RBFOX1: variants seen among roughly 807,000 people sequenced by gnomAD.
The protein encoded by RBFOX1 is RNA binding fox-1 homolog 1, also known as RNA binding protein fox-1 homolog 1.
A neutral mutation model predicts 57.7 loss-of-function variants in RBFOX1; 8 were observed. That is an observed-to-expected ratio of 0.14 (90% CI 0.08 to 0.25). RBFOX1 has a LOEUF of 0.25. RBFOX1 is among the 10% of genes least tolerant of loss of function. The probability of loss-of-function intolerance (pLI) is 1.00; values close to 1 mark genes in which losing one functional copy is unlikely to be tolerated. For missense variants in RBFOX1, 611 were observed against 548.5 expected (o/e 1.11, Z -1.14); for synonymous variants, 326 against 222.4 (o/e 1.47, Z -4.15).
chr16:5,998,703 A>G (rs934508636), intron 4 of RBFOX1, among the ~76,000 whole-genome samples: 1 of 152,206 alleles, frequency 6.6e-6, no homozygotes, highest in Admixed American at 6.5e-5. Flanking sequence ...TGCTTACAGA[A>G]TATGAGAACT....
At chr16:7,645,355 AAT>A (rs1353510576) in intron 11 of RBFOX1, among the ~76,000 whole-genome samples, 1 of 152,226 alleles carries the variant, frequency 6.6e-6, no homozygotes, top group African/African-American at 2.4e-5. Flanking sequence ...CAAGGTAATT[AAT>A]CACTAATCAC....
intron 3 of RBFOX1, among the ~76,000 whole-genome samples, chr16:6,682,827 G>C (rs932851134): frequency 2.2e-5 from 3 of 139,124 alleles, no homozygotes; most frequent in African/African-American, 8.2e-5. Flanking sequence ...ATTGAAAACA[G>C]GATAAAGGCA....
At chr16:6,940,298 C>T (rs935382088) in intron 3 of RBFOX1, among the ~76,000 whole-genome samples, 2 of 152,200 alleles carry the variant, frequency 1.3e-5, no homozygotes, top group African/African-American at 4.8e-5. Context: ...GAAGGGGCTG[C>T]TGTGAGTTGC....
chr16:7,516,758 A>G (rs1172179250), intron 4 of RBFOX1, among the ~76,000 whole-genome samples: 1 of 152,184 alleles, frequency 6.6e-6, no homozygotes, highest in Non-Finnish European at 1.5e-5. Flanking sequence ...TTCTCTTCCA[A>G]GTGTCATCTT....
rs188440735 is a variant in RBFOX1, at chr16:5,690,112, C to T, written c.318+91151C>T. ...GGCCTGAGAGGCCAGCGAGGTCATC[C>T]TGGTTAAGACGCCCCGGTTGGTTTT... is the stretch of plus-strand genomic sequence containing the variant. On this transcript the variant is annotated intron_variant, in intron 3 of 19. Transcript: ENST00000641259. 5.3e-5 allele frequency among the ~76,000 whole-genome samples: 8 copies of T among 152,324 alleles called. No individual in the cohort carries two copies. The East Asian group carries it at 1.5e-3, about 29-fold the overall frequency.
intron 1 of RBFOX1, among the ~76,000 whole-genome samples, chr16:5,455,974 A>G (rs1597139491): frequency 6.6e-6 from 1 of 152,130 alleles, no homozygotes; most frequent in East Asian, 1.9e-4. Flanking sequence ...ATTAAATCTC[A>G]TGATTTTTGT....
chr16:5,970,283 T>C (rs1163700799), intron 4 of RBFOX1, among the ~76,000 whole-genome samples: 1 of 152,180 alleles, frequency 6.6e-6, no homozygotes, highest in African/African-American at 2.4e-5. Context: ...TACTCTTTTT[T>C]TTTATGTAGG....
chr16:5,473,882 AG>A (rs1257967294), intron 2 of RBFOX1, among the ~76,000 whole-genome samples: 1 of 100,826 alleles, frequency 9.9e-6, no homozygotes, highest in Non-Finnish European at 1.8e-5. Flanking sequence ...GACAGATGTA[AG>A]GGGGGTGGGT....
chr16:5,850,167 A>G (rs921773512), intron 3 of RBFOX1, among the ~76,000 whole-genome samples: 1 of 152,136 alleles, frequency 6.6e-6, no homozygotes, highest in Non-Finnish European at 1.5e-5. Context: ...TAACTGGTTA[A>G]TTGATGTTAT....
chr16:5,729,567 G>A (rs573011652), intron 3 of RBFOX1, among the ~76,000 whole-genome samples: 2 of 151,972 alleles, frequency 1.3e-5, no homozygotes, highest in Admixed American at 1.3e-4. Flanking sequence ...AAGAAGCTAT[G>A]TTAATTATAT....
intron 4 of RBFOX1, among the ~76,000 whole-genome samples, chr16:5,968,052 C>T (rs555839073): frequency 8.5e-5 from 13 of 152,206 alleles, no homozygotes; most frequent in Admixed American, 2.6e-4. Flanking sequence ...ACCATTTTGA[C>T]GGTCTAAAGC....
At chr16:6,211,638 C>T (rs945970829) in intron 1 of RBFOX1, among the ~76,000 whole-genome samples, 3 of 152,094 alleles carry the variant, frequency 2.0e-5, no homozygotes, top group African/African-American at 7.2e-5. Flanking sequence ...GTTTGTAAAG[C>T]AAGCTGAGAG....
intron 4 of RBFOX1, among the ~76,000 whole-genome samples, chr16:5,876,868 C>A (rs145311085): frequency 2.0e-5 from 3 of 152,252 alleles, no homozygotes; most frequent in African/African-American, 7.2e-5. Context: ...CATGTTTTAT[C>A]AATGGCAAAA....
intron 4 of RBFOX1, among the ~76,000 whole-genome samples, chr16:7,123,992 A>G (rs2067805758): frequency 6.6e-6 from 1 of 152,174 alleles, no homozygotes; most frequent in African/African-American, 2.4e-5. Context: ...CTTTGTGCAT[A>G]TGATGTCTAT....
intron 4 of RBFOX1, among the ~76,000 whole-genome samples, chr16:7,072,899 A>T (rs1215209216): frequency 1.3e-5 from 2 of 152,184 alleles, no homozygotes; most frequent in Non-Finnish European, 2.9e-5. Context: ...AAGTAGCTGG[A>T]ATTTGTGGAA....
chr16:6,460,143 T>G (rs2094882058), intron 2 of RBFOX1, among the ~76,000 whole-genome samples: 1 of 151,346 alleles, frequency 6.6e-6, no homozygotes, highest in Admixed American at 6.6e-5. Context: ...TAACAGAAGT[T>G]TATTTTCTCA....
chr16:6,490,249 GA>G (rs1375373559), intron 2 of RBFOX1, among the ~76,000 whole-genome samples: 1 of 152,064 alleles, frequency 6.6e-6, no homozygotes, highest in African/African-American at 2.4e-5. Context: ...CTTTAGAAGG[GA>G]AAAAAAGATC....
At chr16:6,871,131 CCTTT>C (rs1183609046) in intron 3 of RBFOX1, among the ~76,000 whole-genome samples, 15 of 152,288 alleles carry the variant, frequency 9.8e-5, no homozygotes, top group Admixed American at 2.6e-4. Flanking sequence ...GATGAAGGTT[CCTTT>C]CTTTTGTTTT....
intron 3 of RBFOX1, among the ~76,000 whole-genome samples, chr16:6,908,647 C>G (rs759088367): frequency 2.6e-5 from 4 of 152,130 alleles, no homozygotes; most frequent in Admixed American, 6.5e-5. Flanking sequence ...CTATTTCTTC[C>G]AGAATATGGC....
Sources: allele counts gnomAD v4.1 joint callset (sites outside exome capture counted in the v4.1 genomes callset), GRCh38; gene constraint gnomAD v4.1.1; transcripts MANE v1.5; gene names NCBI Gene and HGNC (gene_info 2026-07-23, HGNC 2026-07-21).